Variants in PLCB1 observed in about 807,000 individuals in gnomAD.
The protein encoded by PLCB1 is phospholipase C beta 1.
In PLCB1, 46 loss-of-function variants were observed where a neutral mutation model predicts 161.8. That is an observed-to-expected ratio of 0.28 (90% CI 0.22 to 0.36). The LOEUF (loss-of-function observed/expected upper bound fraction) is 0.36, where lower values mean the gene tolerates loss of function less well. Among genes scored for constraint, PLCB1 ranks in the 10% least tolerant of loss-of-function variants. PLCB1 has a pLI of 1.00. For missense variants in PLCB1, 1,016 were observed against 1,472.5 expected, an observed-to-expected ratio of 0.69 and a Z score of 5.07; for synonymous variants, 517 against 503.7, an observed-to-expected ratio of 1.03 and a Z score of -0.35.
intron 2 of PLCB1, among the ~76,000 whole-genome samples, chr20:8,367,428 A>G (rs917993235): frequency 2.6e-5 from 4 of 152,182 alleles, no homozygotes; most frequent in Admixed American, 6.5e-5. Context: ...CACGGAGCAA[A>G]TCTGTATTTT....
chr20:8,252,602 G>A (rs528776293), intron 2 of PLCB1, among the ~76,000 whole-genome samples: 2 of 152,150 alleles, frequency 1.3e-5, no homozygotes, highest in South Asian at 4.1e-4. Flanking sequence ...TCGTGCATAA[G>A]CAGTGCAGCT....
At chr20:8,147,006 A>G (rs564654882) in intron 1 of PLCB1, among the ~76,000 whole-genome samples, 1 of 152,338 alleles carries the variant, frequency 6.6e-6, no homozygotes, top group African/African-American at 2.4e-5. Context: ...TAGAAGCAAT[A>G]TACTCACAAG....
intron 4 of PLCB1, among the ~76,000 whole-genome samples, chr20:8,640,190 A>G (rs1988902576): frequency 6.6e-6 from 1 of 152,252 alleles, no homozygotes; most frequent in Non-Finnish European, 1.5e-5. Context: ...TTATAAGTTA[A>G]TGAGGAACTA....
chr20:8,782,571 T>C (rs1342725747), intron 27 of PLCB1, among the ~76,000 whole-genome samples: 1 of 152,150 alleles, frequency 6.6e-6, no homozygotes, highest in Non-Finnish European at 1.5e-5. Context: ...TTTCTCTATT[T>C]TTTAAGAGAC....
At chr20:8,770,746 C>A (rs1475539404) in intron 26 of PLCB1, among the ~76,000 whole-genome samples, 1 of 152,136 alleles carries the variant, frequency 6.6e-6, no homozygotes, top group Non-Finnish European at 1.5e-5. Flanking sequence ...TTCTGATTAG[C>A]CTCTTGGAAG....
chr20:8,683,448 C>T (rs1357644011), intron 9 of PLCB1, among the ~76,000 whole-genome samples: 1 of 151,188 alleles, frequency 6.6e-6, no homozygotes, highest in Non-Finnish European at 1.5e-5. Context: ...ATATTTACTA[C>T]CCGCAAATAT....
chr20:8,653,522 A>G (rs1441820568), intron 7 of PLCB1: 1 of 152,066 alleles, frequency 6.6e-6, no homozygotes, highest in Non-Finnish European at 1.5e-5. Context: ...GAATAAAAAT[A>G]TTGACAGTAT....
chr20:8,757,971 T>G (rs1177064471), intron 24 of PLCB1, among the ~76,000 whole-genome samples: 3 of 152,054 alleles, frequency 2.0e-5, no homozygotes, highest in Admixed American at 2.0e-4. Context: ...ATTCCTTGTG[T>G]GTATGTCCTG....
intron 2 of PLCB1, among the ~76,000 whole-genome samples, chr20:8,230,818 C>G (rs1269636297): frequency 6.6e-6 from 1 of 152,112 alleles, no homozygotes; most frequent in African/African-American, 2.4e-5. Context: ...TTTGATTGCA[C>G]ATTGCTGATT....
intron 2 of PLCB1, among the ~76,000 whole-genome samples, chr20:8,312,293 T>G (rs1213943699): frequency 6.6e-6 from 1 of 152,122 alleles, no homozygotes; most frequent in East Asian, 1.9e-4. Flanking sequence ...CGCAAAAGCC[T>G]ACAGGACTAT....
chr20:8,828,045 TA>T, intron 31 of PLCB1, among the ~76,000 whole-genome samples: 1 of 152,302 alleles, frequency 6.6e-6, no homozygotes, highest in African/African-American at 2.4e-5. Context: ...ATTACCGTCA[TA>T]AAAAATATTC....
intron 3 of PLCB1, among the ~76,000 whole-genome samples, chr20:8,487,334 C>A (rs936718216): frequency 2.6e-5 from 4 of 152,084 alleles, no homozygotes; most frequent in African/African-American, 9.7e-5. Flanking sequence ...CCTTTGGATA[C>A]TATTTTGGCC....
chr20:8,140,958 A>C (rs11908576), intron 1 of PLCB1, among the ~76,000 whole-genome samples: 11,050 of 151,972 alleles, frequency 0.073, 472 homozygotes, highest in Middle Eastern at 0.13. Context: ...GCCACCACGC[A>C]CAGCTAATTT....
At chr20:8,698,012 A>G (rs1990618443) in intron 11 of PLCB1, among the ~76,000 whole-genome samples, 1 of 152,246 alleles carries the variant, frequency 6.6e-6, no homozygotes, top group East Asian at 1.9e-4. Flanking sequence ...GAAAGGAAAT[A>G]TCAAGGTATT....
At chr20:8,438,686 C>T (rs1379858246) in intron 3 of PLCB1, among the ~76,000 whole-genome samples, 1 of 152,132 alleles carries the variant, frequency 6.6e-6, no homozygotes, top group Non-Finnish European at 1.5e-5. Context: ...CAAGTACCCC[C>T]TAGCTTTGCT....
chr20:8,795,024 A>C (rs1983948214), intron 31 of PLCB1, among the ~76,000 whole-genome samples: 1 of 152,222 alleles, frequency 6.6e-6, no homozygotes, highest in Non-Finnish European at 1.5e-5. Context: ...ATCCTGCAAT[A>C]GCAGTCATAG....
chr20:8,389,070 A>G (rs892668858), intron 3 of PLCB1, among the ~76,000 whole-genome samples: 6 of 152,238 alleles, frequency 3.9e-5, no homozygotes, highest in Non-Finnish European at 5.9e-5. Flanking sequence ...TTTTAAAGCT[A>G]CTATTAAAAT....
intron 23 of PLCB1, 42 bp downstream of exon 23, chr20:8,741,615 T>TCACCA: frequency 7.9e-7 from 1 of 1,273,596 alleles, no homozygotes; most frequent in Non-Finnish European, 1.1e-6. Context: ...TTAAGCATGA[T>TCACCA]CACCACACCT....
At chr20:8,410,730 A>G (rs79396387) in intron 3 of PLCB1, among the ~76,000 whole-genome samples, 3,684 of 152,234 alleles carry the variant, frequency 0.024, 137 homozygotes, top group African/African-American at 0.08. Flanking sequence ...TATGAATGAC[A>G]CCTTATTTGG....
Sources: allele counts gnomAD v4.1 joint callset (sites outside exome capture counted in the v4.1 genomes callset), GRCh38; gene constraint gnomAD v4.1.1; transcripts MANE v1.5; gene names NCBI Gene and HGNC (gene_info 2026-07-23, HGNC 2026-07-21).